The following SYT14 variants were observed in gnomAD, a reference collection of about 807,000 sequenced individuals.
SYT14 encodes synaptotagmin-14.
Under a neutral mutation model 74.2 loss-of-function variants are expected in SYT14, and 32 were observed. That is an observed-to-expected ratio of 0.43 (90% CI 0.33 to 0.58). The LOEUF (loss-of-function observed/expected upper bound fraction) is 0.58, where lower values mean the gene tolerates loss of function less well. Among genes scored for constraint, SYT14 ranks in the 20% least tolerant of loss-of-function variants. The pLI is 0.05. For missense variants in SYT14, 791 were observed against 981.8 expected (o/e 0.81, Z 2.60); for synonymous variants, 298 against 337.7 (o/e 0.88, Z 1.29).
chr1:210,088,143 C>T (rs532452231), intron 5 of SYT14, among the ~76,000 whole-genome samples: 1 of 149,298 alleles, frequency 6.7e-6, no homozygotes, highest in Admixed American at 6.7e-5. Context: ...TATTTCATCC[C>T]TCTACTTTCT....
intron 5 of SYT14, among the ~76,000 whole-genome samples, chr1:210,055,218 C>T (rs551008178): frequency 3.2e-4 from 49 of 152,270 alleles, no homozygotes; most frequent in African/African-American, 1.2e-3. Context: ...ATAAACTTTT[C>T]AGAGTCTTTT....
intron 7 of SYT14, among the ~76,000 whole-genome samples, chr1:210,108,160 C>T (rs553074485): frequency 7.2e-5 from 11 of 152,178 alleles, no homozygotes; most frequent in Non-Finnish European, 1.3e-4. Context: ...GCTTACACTT[C>T]TGTGTGAACA....
chr1:210,048,775 G>A (rs1481586196), intron 5 of SYT14, among the ~76,000 whole-genome samples: 1 of 152,150 alleles, frequency 6.6e-6, no homozygotes, highest in African/African-American at 2.4e-5. Context: ...CCACAGTCCA[G>A]CATCTCATCT....
chr1:210,143,570 G>C (rs1219777971), intron 7 of SYT14, among the ~76,000 whole-genome samples: 1 of 151,728 alleles, frequency 6.6e-6, no homozygotes, highest in Non-Finnish European at 1.5e-5. Flanking sequence ...TATTATTACT[G>C]TCCACCAGAC....
chr1:209,964,178 C>T (rs1045405891), intron 2 of SYT14, among the ~76,000 whole-genome samples: 3 of 152,084 alleles, frequency 2.0e-5, no homozygotes, highest in Non-Finnish European at 2.9e-5. Flanking sequence ...TGAGTTTTCA[C>T]GAGATCTAAT....
At chr1:210,000,500 AAT>A (rs1558121054) in intron 2 of SYT14, among the ~76,000 whole-genome samples, 22 of 150,508 alleles carry the variant, frequency 1.5e-4, no homozygotes, top group South Asian at 6.3e-4. Context: ...ACACACACAC[AAT>A]CTAAGAAAAT....
intron 7 of SYT14, among the ~76,000 whole-genome samples, chr1:210,103,670 A>T (rs1281473187): frequency 6.6e-6 from 1 of 152,126 alleles, no homozygotes; most frequent in African/African-American, 2.4e-5. Flanking sequence ...TCTACTGACT[A>T]GCCCTGTAAA....
intron 7 of SYT14, among the ~76,000 whole-genome samples, chr1:210,143,018 GA>G (rs2082951669): frequency 6.6e-6 from 1 of 152,168 alleles, no homozygotes; most frequent in Non-Finnish European, 1.5e-5. Flanking sequence ...GCAACAGGTA[GA>G]ACTACTCCTA....
At chr1:210,007,501 C>T (rs1055274803) in intron 2 of SYT14, among the ~76,000 whole-genome samples, 1 of 151,760 alleles carries the variant, frequency 6.6e-6, no homozygotes, top group African/African-American at 2.4e-5. Flanking sequence ...AAACTTAATT[C>T]TAAAATTAAT....
intron 2 of SYT14, among the ~76,000 whole-genome samples, chr1:209,967,435 C>T (rs1419594760): frequency 6.6e-6 from 1 of 152,010 alleles, no homozygotes; most frequent in Non-Finnish European, 1.5e-5. Flanking sequence ...CCACCTAGGC[C>T]TTGGTGGCAT....
chr1:210,130,179 T>C (rs531281682), intron 7 of SYT14, among the ~76,000 whole-genome samples: 2 of 152,358 alleles, frequency 1.3e-5, no homozygotes, highest in African/African-American at 2.4e-5. Context: ...GAAGTACTTA[T>C]ACACACTATT....
At position 209,953,037 on chromosome 1, in the gene SYT14, A is replaced by G. The variant is rs181390789; in HGVS notation, c.-486+281A>G. 1.4e-4 allele frequency: 200 copies of G among 1,390,036 alleles called. 7 individuals are homozygous for G. The Admixed American group carries it at 4.2e-3, about 30-fold the overall frequency. 86.1% of individuals were successfully genotyped at this position (1,390,036 alleles called of 1,614,324 possible). On this transcript the variant is annotated intron_variant, in intron 2 of 9. Transcript: ENST00000637265. ...GAAGAGGCAAAGAATGGAGGGTTTG[A>G]TTTTTGTTCCCTTTCAGAATCTGGA...
chr1:210,159,502 G>A (rs2083331927), intron 9 of SYT14, 25 bp downstream of exon 8: 1 of 1,550,074 alleles, frequency 6.5e-7, no homozygotes. Context: ...AGGCTAATTG[G>A]ATGTTGTCTT....
At position 210,069,336 on chromosome 1, in the gene SYT14, C is replaced by A. The variant is rs558861046; in HGVS notation, c.1313-24986C>A. Among the ~76,000 whole-genome samples, 124 of 151,944 alleles carry A rather than the reference C, an allele frequency of 8.2e-4. 1 individual carries two copies. The highest frequency in any genetic ancestry group is 1.4e-3 in the Non-Finnish European group (98 of 67,898). ...ATCTGCTGTATCTTTCCTAAATATT[C>A]TTTCTGCTTTGCCTTTTAATCAGTA... On this transcript the variant is annotated intron_variant, in intron 5 of 9. Transcript: ENST00000637265.
At chr1:210,124,358 A>G in intron 7 of SYT14, among the ~76,000 whole-genome samples, 1 of 152,174 alleles carries the variant, frequency 6.6e-6, no homozygotes, top group East Asian at 1.9e-4. Flanking sequence ...AGGAGGATTT[A>G]ACATATGACT....
intron 2 of SYT14, among the ~76,000 whole-genome samples, chr1:209,965,486 T>TTGATGGCAC (rs1162111262): frequency 6.6e-6 from 1 of 152,224 alleles, no homozygotes. Flanking sequence ...TGATGCCATG[T>TTGATGGCAC]CTTTGCTATT....
At chr1:210,094,371 GCCA>G (rs1380065179) in exon 6 of SYT14, 2 of 1,613,834 alleles carry the variant, frequency 1.2e-6, no homozygotes, top group Non-Finnish European at 1.7e-6. Context: ...ATGAATTGCA[GCCA>G]CCACCATATC....
chr1:210,120,811 T>C (rs1030070551), intron 7 of SYT14, among the ~76,000 whole-genome samples: 7 of 152,242 alleles, frequency 4.6e-5, no homozygotes, highest in Non-Finnish European at 7.3e-5. Flanking sequence ...CAGTTTACTT[T>C]CGGTGGTATA....
At chr1:210,093,647 G>A (rs571310718) in intron 5 of SYT14, among the ~76,000 whole-genome samples, 206 of 152,326 alleles carry the variant, frequency 1.4e-3, no homozygotes, top group Non-Finnish European at 2.4e-3. Flanking sequence ...AATTTATAAA[G>A]AATACAGACA....
Sources: gnomAD v4.1 joint callset for allele counts (sites outside exome capture counted in the v4.1 genomes callset) on GRCh38, gnomAD v4.1.1 for gene constraint, MANE v1.5 for transcripts, NCBI Gene and HGNC (gene_info 2026-07-23, HGNC 2026-07-21) for gene names.